Variants in KCNB2 observed in about 807,000 individuals in gnomAD.
KCNB2 encodes the protein potassium voltage-gated channel subfamily B member 2.
A neutral mutation model predicts 61.5 loss-of-function variants in KCNB2; 15 were observed. The ratio of observed to expected loss-of-function variants is 0.24; its 90% CI spans 0.16 to 0.38. The LOEUF is 0.38. Ranked by LOEUF, KCNB2 falls within the 10% of genes least tolerant of loss-of-function variation. KCNB2 has a pLI of 1.00. For missense variants in KCNB2, 828 were observed against 1,125.2 expected (o/e 0.74, Z 3.78); for synonymous variants, 457 against 446.0 (o/e 1.02, Z -0.31).
intron 2 of KCNB2, among the ~76,000 whole-genome samples, chr8:72,832,437 A>G (rs1809713537): frequency 6.6e-6 from 1 of 152,226 alleles, no homozygotes; most frequent in Admixed American, 6.5e-5. Flanking sequence ...CAAGGTAATA[A>G]TGAGTACATA....
chr8:72,571,405 A>G (rs1806707119), intron 2 of KCNB2, among the ~76,000 whole-genome samples: 1 of 152,272 alleles, frequency 6.6e-6, no homozygotes, highest in African/African-American at 2.4e-5. Context: ...AAGCCAAAAC[A>G]GCATTTAACA....
Position 72,856,697 on chromosome 8 carries a change from C to T in KCNB2, c.580-79238C>T, listed in dbSNP as rs545707461. Among the ~76,000 whole-genome samples the T allele has an allele frequency of 9.2e-5, 14 of 152,196 alleles. No homozygotes were observed. In the South Asian group the frequency reaches 2.7e-3, roughly 29 times the overall value. The stretch of plus-strand genomic sequence containing the variant: ...GAATCCCTGTTCTTGGTTCTAAAAC[C>T]TCAGATTCATTTGAGGTAGTTGGAT... On this transcript the variant is annotated intron_variant, in intron 2 of 2. Coordinates refer to ENST00000523207, the MANE Select transcript of KCNB2 (RefSeq NM_004770.3).
chr8:72,608,654 G>A (rs1022910664), intron 2 of KCNB2, among the ~76,000 whole-genome samples: 1 of 152,126 alleles, frequency 6.6e-6, no homozygotes, highest in African/African-American at 2.4e-5. Flanking sequence ...TATCCAGCAG[G>A]GGGAGAGGGC....
chr8:72,660,946 CT>C (rs1348726791), intron 2 of KCNB2: 4 of 152,182 alleles, frequency 2.6e-5, no homozygotes, highest in African/African-American at 9.6e-5. Context: ...TTTAAGATTT[CT>C]AATTTGATCA....
At chr8:72,709,216 A>C (rs1369172706) in intron 2 of KCNB2, among the ~76,000 whole-genome samples, 1 of 152,186 alleles carries the variant, frequency 6.6e-6, no homozygotes, top group African/African-American at 2.4e-5. Flanking sequence ...AAACAAAAGT[A>C]AAAGAAAAAT....
intron 1 of KCNB2, among the ~76,000 whole-genome samples, chr8:72,561,174 T>C (rs76909790): frequency 6.6e-6 from 1 of 150,990 alleles, no homozygotes; most frequent in Non-Finnish European, 1.5e-5. Flanking sequence ...TTTTTTTTTT[T>C]TGACACAGAG....
At chr8:72,715,868 C>T (rs926618217) in intron 2 of KCNB2, among the ~76,000 whole-genome samples, 3 of 152,032 alleles carry the variant, frequency 2.0e-5, no homozygotes, top group African/African-American at 7.3e-5. Context: ...TCAATGAATC[C>T]AGGAGCTGGT....
chr8:72,729,808 G>C (rs989566065), intron 2 of KCNB2, among the ~76,000 whole-genome samples: 2 of 151,958 alleles, frequency 1.3e-5, no homozygotes, highest in African/African-American at 4.8e-5. Flanking sequence ...GCTTGAACCC[G>C]GGAGGCGGGG....
At chr8:72,713,924 T>C (rs551868738) in intron 2 of KCNB2, among the ~76,000 whole-genome samples, 2 of 152,012 alleles carry the variant, frequency 1.3e-5, no homozygotes, top group Non-Finnish European at 2.9e-5. Flanking sequence ...AAAAATTAGA[T>C]GAATGAATAA....
chr8:72,647,358 C>T lies in KCNB2; in HGVS notation c.579+79045C>T, dbSNP rs141498535. ...TGGGTAATTTTTAGCATTGTTTTTC[C>T]TCTTTTATTTAAAAAAAAATAGCAT... On this transcript the variant is annotated intron_variant, in intron 2 of 2. Transcript: ENST00000523207. 4.6e-3 allele frequency among the ~76,000 whole-genome samples: 704 copies of T among 151,584 alleles called. 6 individuals are homozygous for T. Among genetic ancestry groups the T allele is most frequent in the African/African-American group, 0.016 (672 of 41,328 alleles).
intron 2 of KCNB2, among the ~76,000 whole-genome samples, chr8:72,803,323 G>A (rs1809161096): frequency 6.6e-6 from 1 of 152,090 alleles, no homozygotes; most frequent in South Asian, 2.1e-4. Flanking sequence ...TTCCACTCCA[G>A]AATGGTTTCA....
intron 2 of KCNB2, among the ~76,000 whole-genome samples, chr8:72,589,205 C>G (rs1280136971): frequency 6.6e-6 from 1 of 152,088 alleles, no homozygotes; most frequent in African/African-American, 2.4e-5. Context: ...GTGTAGGTTC[C>G]TTCTTCTGCA....
At chr8:72,910,142 C>T (rs1806262669) in intron 2 of KCNB2, among the ~76,000 whole-genome samples, 1 of 152,158 alleles carries the variant, frequency 6.6e-6, no homozygotes, top group Non-Finnish European at 1.5e-5. Flanking sequence ...ATTGCTAAGC[C>T]TTTCTGAGCT....
chr8:72,734,625 C>T (rs7818567), intron 2 of KCNB2, among the ~76,000 whole-genome samples: 4,669 of 152,122 alleles, frequency 0.031, 93 homozygotes, highest in South Asian at 0.066. Flanking sequence ...TGAATATTCC[C>T]CGGGAGAAGA....
intron 1 of KCNB2, among the ~76,000 whole-genome samples, chr8:72,540,542 T>A (rs1191984817): frequency 6.6e-6 from 1 of 152,128 alleles, no homozygotes; most frequent in Admixed American, 6.5e-5. Flanking sequence ...CTAGAGATTA[T>A]GGCCTTGTTA....
At chr8:72,784,031 A>G (rs904560814) in intron 2 of KCNB2, among the ~76,000 whole-genome samples, 4 of 152,164 alleles carry the variant, frequency 2.6e-5, no homozygotes, top group African/African-American at 9.7e-5. Context: ...TTCTAATATT[A>G]TCATGCTCCC....
intron 2 of KCNB2, among the ~76,000 whole-genome samples, chr8:72,783,113 C>T (rs973344756): frequency 6.6e-6 from 1 of 152,136 alleles, no homozygotes; most frequent in Non-Finnish European, 1.5e-5. Context: ...GTTCTAAGAA[C>T]TTTACAGATA....
chr8:72,723,153 A>G (rs1262754373), intron 2 of KCNB2, among the ~76,000 whole-genome samples: 1 of 152,230 alleles, frequency 6.6e-6, no homozygotes, highest in Non-Finnish European at 1.5e-5. Context: ...TTTGATTATG[A>G]AATGATTAGT....
intron 2 of KCNB2, among the ~76,000 whole-genome samples, chr8:72,870,852 C>A (rs2129004738): frequency 6.6e-6 from 1 of 152,288 alleles, no homozygotes; most frequent in East Asian, 1.9e-4. Flanking sequence ...TGCCATGCAC[C>A]TGTGGTCCCA....
Sources: allele counts gnomAD v4.1 joint callset (sites outside exome capture counted in the v4.1 genomes callset), GRCh38; gene constraint gnomAD v4.1.1; transcripts MANE v1.5; gene names NCBI Gene and HGNC (gene_info 2026-07-23, HGNC 2026-07-21).